The following PLOD3 variants were observed in gnomAD, a reference collection of about 807,000 sequenced individuals.
The protein encoded by PLOD3 is multifunctional procollagen lysine hydroxylase and glycosyltransferase LH3.
In PLOD3, 73 loss-of-function variants were observed where a neutral mutation model predicts 96.9. The ratio of observed to expected loss-of-function variants is 0.75; its 90% CI spans 0.62 to 0.92. PLOD3 has a LOEUF of 0.92. Among genes scored for constraint, PLOD3 ranks in the 40% least tolerant of loss-of-function variants. PLOD3 has a pLI of 0.00. For synonymous variants in PLOD3, 454 were observed against 413.7 expected (o/e 1.10, Z -1.18); for missense variants, 1,004 against 1,004.3 (o/e 1.00, Z 0.00).
rs909145551 is a variant in PLOD3 at position 101,216,167 on chromosome 7, A to G, written c.498T>C (p.Ser166=). Residue 166 remains serine (S), a synonymous_variant, in exon 4 of 19, where the codon TCT becomes TCC. Coordinates refer to ENST00000223127, the MANE Select transcript of PLOD3 (RefSeq NM_001084.5). ...CTTGGGCACTCTGCCACTCACCACC[A>G]GAATTGAGGAAGCGCTTCCCCGTGC... ...EVGTGKRFLN[S]GGFIGFATTI... 2.0e-5 allele frequency: 33 copies of G among 1,613,880 alleles called. No individual in the cohort carries two copies. Among genetic ancestry groups the G allele is most frequent in the Non-Finnish European group, 2.7e-5 (32 of 1,179,998 alleles).
In PLOD3 at chr7:101,217,557, G is replaced by C. The variant is rs1798300483; in HGVS notation, c.-283C>G. ...GGCGGGCGGGAGACAGGGACTCTGG[G>C]CTGAGCCAGCCGCTTGACACATGTG... On this transcript the variant is annotated 5_prime_UTR_variant, in exon 1 of 19. Transcript: ENST00000223127. 2.0e-6 allele frequency: 1 copy of C among 487,910 alleles called. No homozygotes were observed. Among genetic ancestry groups the C allele is most frequent in the African/African-American group, 2.0e-5 (1 of 49,144 alleles). 30.2% of individuals were successfully genotyped at this position (487,910 alleles called of 1,614,324 possible). A position where few individuals can be genotyped will look rare whatever the true frequency, so the allele number is the denominator to read the frequency against.
In PLOD3 at chr7:101,216,434, T is replaced by TCCTC; in HGVS notation, c.310_313dup (p.Asp105GlyfsTer10). ...CCTATCCACAAACATGATGATCATATCCTCCCGGTCAGCGTATTTCTCCAT... is the reference window on the plus strand; with the variant it reads ...CCTATCCACAAACATGATGATCATATCCTCCCTCCCGGTCAGCGTATTTCTCCAT... On this transcript the variant is annotated frameshift_variant, in exon 3 of 19. Coordinates refer to ENST00000223127, the MANE Select transcript of PLOD3 (RefSeq NM_001084.5). LOFTEE classifies it high-confidence loss of function. The TCCTC allele has an allele frequency of 6.2e-7, 1 of 1,614,086 alleles. No individual in the cohort carries two copies. The highest frequency in any genetic ancestry group is 8.5e-7 in the Non-Finnish European group (1 of 1,180,008).
chr7:101,211,186 T>A (rs1798175676), intron 12 of PLOD3: 2 of 205,408 alleles, frequency 9.7e-6, no homozygotes, highest in Non-Finnish European at 2.0e-5. Context: ...CGGCCCTTGT[T>A]TTTTATTTTC....
At position 101,217,356 on chromosome 7, in the gene PLOD3, G is replaced by A; in HGVS notation, c.-82C>T. 1 of 1,308,912 alleles carries A rather than the reference G, an allele frequency of 7.6e-7. No individual in the cohort carries two copies. The highest frequency in any genetic ancestry group is 3.6e-5 in the Admixed American group (1 of 27,420). The allele number at this position is 1,308,912 out of a possible 1,614,324, so 81.1% of individuals were successfully genotyped here. A position where few individuals can be genotyped will look rare whatever the true frequency, so the allele number is the denominator to read the frequency against. ...GATCCCAGCTCCGGAGGGGAGCTCT[G>A]GAAAGGGGGCGCTCGGGCTGCTGTG... On this transcript the variant is annotated 5_prime_UTR_variant, in exon 1 of 19. Coordinates refer to ENST00000223127, the MANE Select transcript of PLOD3 (RefSeq NM_001084.5).
chr7:101,207,496 C>T, intron 17 of PLOD3, 82 bp downstream of exon 17: 1 of 1,441,156 alleles, frequency 6.9e-7, no homozygotes, highest in East Asian at 2.3e-5. Context: ...GCTGCCGGGG[C>T]CGAAAGGGGT....
At position 101,210,221 on chromosome 7, in the gene PLOD3, A is replaced by G. The variant is rs974292721; in HGVS notation, c.1615-60T>C. On this transcript the variant is annotated intron_variant, in intron 14 of 18. Coordinates refer to ENST00000223127, the MANE Select transcript of PLOD3 (RefSeq NM_001084.5). ...CCCCCTCGCTCCCAGCCCCCAGGGG[A>G]CCGCCCCCTCCCACTCAGTGTCCTG... 7.8e-5 allele frequency: 115 copies of G among 1,482,380 alleles called. 2 individuals carry two copies. The South Asian group carries it at 1.3e-3, about 17-fold the overall frequency. The allele number at this position is 1,482,380 out of a possible 1,614,324, so 91.8% of individuals were successfully genotyped here. A position where few individuals can be genotyped will look rare whatever the true frequency, so the allele number is the denominator to read the frequency against.
intron 4 of PLOD3, 53 bp downstream of exon 4, chr7:101,216,110 A>C (rs1798266491): frequency 3.1e-6 from 5 of 1,610,896 alleles, no homozygotes; most frequent in Non-Finnish European, 4.2e-6. Flanking sequence ...CGCCTTTAAC[A>C]CTCTGTGTCC....
Position 101,212,896 on chromosome 7 carries a change from A to G in PLOD3, c.825T>C (p.Pro275=), listed in dbSNP as rs901535565. The G allele has an allele frequency of 5.0e-6, 8 of 1,613,808 alleles. No individual in the cohort carries two copies. Among genetic ancestry groups the G allele is most frequent in the Non-Finnish European group, 6.8e-6 (8 of 1,179,844 alleles). ...GGTTGCAGAAGCCACAGCCTCCCTC[A>G]GGAGTCCAGCCATTGGGGACGTAGT... ...LGNYVPNGWT[P]EGGCGFCNQD... Residue 275 remains proline (P), a synonymous_variant, in exon 8 of 19, where the codon CCT becomes CCC. Coordinates refer to ENST00000223127, the MANE Select transcript of PLOD3 (RefSeq NM_001084.5).
chr7:101,207,478 G>T, intron 17 of PLOD3, 100 bp downstream of exon 17: 1 of 1,280,176 alleles, frequency 7.8e-7, no homozygotes, highest in Non-Finnish European at 1.1e-6. Flanking sequence ...AATGCATGGA[G>T]CCCAAATGCT....
chr7:101,211,152 AT>A (rs1396482285), intron 12 of PLOD3: 2 of 209,408 alleles, frequency 9.6e-6, no homozygotes, highest in Non-Finnish European at 9.7e-6. Context: ...AAGTGCTGGG[AT>A]TACAGGCGTC....
At position 101,210,311 on chromosome 7, in the gene PLOD3, G is replaced by A. The variant is rs1039913234; in HGVS notation, c.1614+20C>T. 1.3e-6 allele frequency: 2 copies of A among 1,595,398 alleles called. No individual in the cohort carries two copies. Among genetic ancestry groups the A allele is most frequent in the Middle Eastern group, 1.7e-4 (1 of 6,030 alleles). ...CAAGGCGGGGAACCTGTGTGCTCTG[G>A]GCGTGGGGTCCCCACTCACGACGGG... is the stretch of plus-strand genomic sequence containing the variant. On this transcript the variant is annotated intron_variant, in intron 14 of 18. Transcript: ENST00000223127.
At chr7:101,215,656 G>T (rs1337661440) in intron 5 of PLOD3, among the ~76,000 whole-genome samples, 2 of 152,008 alleles carry the variant, frequency 1.3e-5, no homozygotes, top group Non-Finnish European at 2.9e-5. Context: ...CATGAAGCCT[G>T]GCTAATTTTT....
In PLOD3 at chr7:101,207,603, C is replaced by A. The variant is rs755547790; in HGVS notation, c.1910G>T (p.Ser637Ile). The change falls in exon 17 of 19, where the codon AGC becomes ATC. Residue 637 changes from serine to isoleucine, a missense_variant. By Grantham distance (142) the Ser-to-Ile change is moderately radical. Around this residue, in one of 5 missense-constraint regions of PLOD3, gnomAD observed 222 missense variants for 220.4 expected, o/e 1.01. Transcript: ENST00000223127. ...LRTYVGPMTE[S>I]LFPGYHTKAR... The stretch of plus-strand genomic sequence containing the variant: ...CTTGGTGTGGTAACCGGGAAACAGG[C>A]TCTCGGTCATGGGGCCCACATACGT... 18 of 1,613,940 alleles carry A rather than the reference C, an allele frequency of 1.1e-5. No homozygotes were observed. The Admixed American group carries it at 2.3e-4, about 21-fold the overall frequency.
rs745454413 is a variant in PLOD3, at chr7:101,210,683, C to T, written c.1359-10G>A. On this transcript the variant is annotated splice_polypyrimidine_tract_variant and intron_variant, in intron 12 of 18. Transcript: ENST00000223127. ...TACATTCCACACACCCCTGGAGGCACCGACACCGCGGTCAGCTGGGAGGAC... is the reference window on the plus strand; with the variant it reads ...TACATTCCACACACCCCTGGAGGCATCGACACCGCGGTCAGCTGGGAGGAC... The T allele has an allele frequency of 5.6e-6, 9 of 1,613,256 alleles. No homozygotes were observed. Among genetic ancestry groups the T allele is most frequent in the Non-Finnish European group, 7.6e-6 (9 of 1,179,698 alleles).
intron 1 of PLOD3, 184 bp downstream of exon 1, chr7:101,216,982 G>A: frequency 2.6e-6 from 2 of 780,716 alleles, no homozygotes. Flanking sequence ...CTTTGCATAG[G>A]GAGGCTGGAA....
In PLOD3 at chr7:101,217,150, C is replaced by T; in HGVS notation, c.109+16G>A. 1 of 1,455,906 alleles carries T rather than the reference C, an allele frequency of 6.9e-7. No individual in the cohort carries two copies. Among genetic ancestry groups the T allele is most frequent in the Non-Finnish European group, 9.0e-7 (1 of 1,106,090 alleles). 90.2% of individuals were successfully genotyped at this position (1,455,906 alleles called of 1,614,324 possible). ...CTCTGCCCCCTCGGCCGTGCCGGGC[C>T]TCCCCGGGATCTCACCTGGGTTGAC... On this transcript the variant is annotated intron_variant, in intron 1 of 18. Transcript: ENST00000223127.
intron 15 of PLOD3, among the ~76,000 whole-genome samples, chr7:101,209,363 T>G (rs1270982079): frequency 1.3e-5 from 2 of 151,594 alleles, no homozygotes; most frequent in African/African-American, 4.8e-5. Context: ...CATGCCACCA[T>G]GCCAAGCTAA....
chr7:101,209,249 C>T (rs1481859607), intron 15 of PLOD3, among the ~76,000 whole-genome samples: 1 of 151,822 alleles, frequency 6.6e-6, no homozygotes, highest in East Asian at 1.9e-4. Flanking sequence ...CTCTGTCAAC[C>T]AGGCTGGAGT....
chr7:101,212,756 C>A (rs1438133687), intron 8 of PLOD3, 86 bp downstream of exon 8: 11 of 1,559,850 alleles, frequency 7.1e-6, no homozygotes, highest in Non-Finnish European at 1.8e-6. Flanking sequence ...AGGAGCGATG[C>A]CCCCACCGCC....
Sources: gnomAD v4.1 joint callset for allele counts (sites outside exome capture counted in the v4.1 genomes callset) on GRCh38, gnomAD v4.1.1 for gene constraint, gnomAD v4.1.1 regional missense constraint, MANE v1.5 for transcripts, NCBI Gene and HGNC (gene_info 2026-07-23, HGNC 2026-07-21) for gene names.